The following NAV2 variants were observed in gnomAD, a reference collection of about 807,000 sequenced individuals.
NAV2 encodes the protein neuron navigator 2.
A neutral mutation model predicts 223.2 loss-of-function variants in NAV2; 54 were observed. The ratio of observed to expected loss-of-function variants is 0.24; its 90% CI spans 0.19 to 0.30. The LOEUF is 0.30. Among genes scored for constraint, NAV2 ranks in the 10% least tolerant of loss-of-function variants. The pLI is 1.00. For missense variants in NAV2, 2,806 were observed against 3,147.5 expected (o/e 0.89, Z 2.60); for synonymous variants, 1,279 against 1,239.3 (o/e 1.03, Z -0.67).
intron 37 of NAV2, among the ~76,000 whole-genome samples, chr11:20,117,209 G>T (rs1209469727): frequency 1.3e-5 from 2 of 148,256 alleles, no homozygotes; most frequent in African/African-American, 5.1e-5. Flanking sequence ...ATAAATAAAA[G>T]TAGTTTTTAT....
At chr11:19,799,825 C>T (rs1016346245) in intron 1 of NAV2, among the ~76,000 whole-genome samples, 9 of 152,178 alleles carry the variant, frequency 5.9e-5, no homozygotes, top group Non-Finnish European at 1.3e-4. Context: ...TTGCCTCCCC[C>T]TTGCTATATT....
At chr11:19,699,545 G>C (rs189955675) in intron 1 of NAV2, among the ~76,000 whole-genome samples, 1 of 152,328 alleles carries the variant, frequency 6.6e-6, no homozygotes, top group African/African-American at 2.4e-5. Flanking sequence ...CATCTCACTT[G>C]GAGATGATTG....
chr11:19,838,070 G>T (rs2060322744), intron 2 of NAV2, among the ~76,000 whole-genome samples: 1 of 152,266 alleles, frequency 6.6e-6, no homozygotes, highest in East Asian at 1.9e-4. Flanking sequence ...AAAGGAGAAT[G>T]GATGATGTAT....
chr11:19,763,313 A>G (rs890513376), intron 1 of NAV2, among the ~76,000 whole-genome samples: 2 of 152,224 alleles, frequency 1.3e-5, no homozygotes, highest in African/African-American at 2.4e-5. Context: ...GAGTTTAAGA[A>G]TAAGGCATAG....
chr11:19,413,397 C>A (rs937103693), intron 1 of NAV2, among the ~76,000 whole-genome samples: 3 of 152,136 alleles, frequency 2.0e-5, no homozygotes, highest in African/African-American at 7.2e-5. Flanking sequence ...AAGGAATGAA[C>A]AAATCCTCCA....
At position 19,480,177 on chromosome 11, in the gene NAV2, A is replaced by G. The variant is rs544887048; in HGVS notation, c.75+129150A>G. On this transcript the variant is annotated intron_variant, in intron 1 of 37. Transcript: ENST00000360655. The stretch of plus-strand genomic sequence containing the variant: ...GAGTTAAACAAAATTAAGCAGGTTT[A>G]TTTGCTGCATGACTTCTCAGAGCCC... Among the ~76,000 whole-genome samples the G allele has an allele frequency of 4.6e-5, 7 of 152,232 alleles. 1 individual carries two copies. The highest frequency in any genetic ancestry group is 4.6e-4 in the Admixed American group (7 of 15,282).
intron 17 of NAV2, among the ~76,000 whole-genome samples, chr11:20,052,729 G>A (rs1221861679): frequency 6.6e-6 from 1 of 152,278 alleles, no homozygotes. Context: ...AAAACATTAA[G>A]GAGAAAACAT....
chr11:19,637,274 T>C (rs2047531913), intron 1 of NAV2, among the ~76,000 whole-genome samples: 1 of 152,212 alleles, frequency 6.6e-6, no homozygotes, highest in African/African-American at 2.4e-5. Flanking sequence ...CCTGGCCACA[T>C]GGAGGACCAC....
In NAV2 at chr11:19,707,518, G is replaced by T. The variant is rs1221083775; in HGVS notation, c.76-124966G>T. Reference sequence around the variant, plus strand: ...CCTCCACATATTGTCCCTCTGGAAGGTCTTCAGGGGCAAAAACACATATGG... The same window carrying T: ...CCTCCACATATTGTCCCTCTGGAAGTTCTTCAGGGGCAAAAACACATATGG... On this transcript the variant is annotated intron_variant, in intron 1 of 37. Transcript: ENST00000360655. 2.0e-5 allele frequency among the ~76,000 whole-genome samples: 3 copies of T among 152,082 alleles called. No homozygotes were observed. In the East Asian group the frequency reaches 5.8e-4, roughly 29 times the overall value.
intron 6 of NAV2, among the ~76,000 whole-genome samples, chr11:19,898,696 CA>C (rs2042201098): frequency 6.6e-6 from 1 of 152,110 alleles, no homozygotes. Context: ...ATTGCTGTAT[CA>C]AAGGGTATGC....
chr11:20,037,563 GT>G (rs2056508971), intron 12 of NAV2, among the ~76,000 whole-genome samples: 1 of 152,114 alleles, frequency 6.6e-6, no homozygotes, highest in African/African-American at 2.4e-5. Flanking sequence ...GGTGGTAGTT[GT>G]TTTAAGAAAC....
chr11:19,494,711 T>C (rs959882445), intron 1 of NAV2, among the ~76,000 whole-genome samples: 1 of 152,170 alleles, frequency 6.6e-6, no homozygotes, highest in African/African-American at 2.4e-5. Flanking sequence ...GTAATACTGA[T>C]GTGAAACCTG....
intron 1 of NAV2, among the ~76,000 whole-genome samples, chr11:19,462,906 TGTTTC>T (rs1852215650): frequency 6.6e-6 from 1 of 152,242 alleles, no homozygotes; most frequent in Non-Finnish European, 1.5e-5. Context: ...ATATCAGCTC[TGTTTC>T]CAGGTGGGCC....
At chr11:19,539,460 T>A (rs2044280243) in intron 1 of NAV2, among the ~76,000 whole-genome samples, 1 of 152,220 alleles carries the variant, frequency 6.6e-6, no homozygotes, top group Non-Finnish European at 1.5e-5. Context: ...TGTGAAATAC[T>A]TATTCTAATT....
intron 1 of NAV2, among the ~76,000 whole-genome samples, chr11:19,524,895 C>G (rs2043796341): frequency 6.6e-6 from 1 of 152,160 alleles, no homozygotes; most frequent in Non-Finnish European, 1.5e-5. Context: ...CTAACAGACA[C>G]AGCTTCGTGT....
intron 1 of NAV2, among the ~76,000 whole-genome samples, chr11:19,538,365 G>A (rs1304401049): frequency 2.0e-5 from 3 of 152,042 alleles, no homozygotes; most frequent in Non-Finnish European, 2.9e-5. Flanking sequence ...TTTTGAGACA[G>A]GGTCTTGCTC....
chr11:19,717,145 C>T (rs1271246800), intron 1 of NAV2, among the ~76,000 whole-genome samples: 1 of 152,210 alleles, frequency 6.6e-6, no homozygotes, highest in Non-Finnish European at 1.5e-5. Context: ...TCTCGGTCAT[C>T]CAGGGTGGCA....
chr11:20,067,729 G>C (rs1314263195), intron 20 of NAV2, among the ~76,000 whole-genome samples: 3 of 150,994 alleles, frequency 2.0e-5, no homozygotes, highest in Non-Finnish European at 2.9e-5. Context: ...ACCTCAAGTG[G>C]TCCACCAACC....
rs571438597 is a variant in NAV2 at position 19,605,750 on chromosome 11, C to T, written c.76-226734C>T. On this transcript the variant is annotated intron_variant, in intron 1 of 37. Transcript: ENST00000360655. The stretch of plus-strand genomic sequence containing the variant: ...TCTCAATGCAGACTTTTTCTAAGGG[C>T]TTCTAGCAAGCTCCCTGCAAAATGG... Among the ~76,000 whole-genome samples the T allele has an allele frequency of 2.6e-5, 4 of 152,240 alleles. No homozygotes were observed. The South Asian group carries it at 8.3e-4, about 32-fold the overall frequency.
Sources: allele counts gnomAD v4.1 joint callset (sites outside exome capture counted in the v4.1 genomes callset), GRCh38; gene constraint gnomAD v4.1.1; transcripts MANE v1.5; gene names NCBI Gene and HGNC (gene_info 2026-07-23, HGNC 2026-07-21).